The following LARS2 variants were observed in gnomAD, a reference collection of about 807,000 sequenced individuals.
LARS2 encodes the protein leucyl-tRNA synthetase 2, mitochondrial.
A neutral mutation model predicts 116.6 loss-of-function variants in LARS2; 81 were observed. That is an observed-to-expected ratio of 0.69 (90% CI 0.58 to 0.84). The LOEUF is 0.84. Among genes scored for constraint, LARS2 ranks in the 40% least tolerant of loss-of-function variants. LARS2 has a pLI of 0.00. For missense variants in LARS2, 968 were observed against 1,114.5 expected, an observed-to-expected ratio of 0.87 and a Z score of 1.87; for synonymous variants, 396 against 407.2, an observed-to-expected ratio of 0.97 and a Z score of 0.33.
At chr3:45,411,695 T>A (rs1698334338) in intron 4 of LARS2, among the ~76,000 whole-genome samples, 1 of 152,252 alleles carries the variant, frequency 6.6e-6, no homozygotes, top group Admixed American at 6.5e-5. Context: ...ATAAGCTTTT[T>A]AACTTTTTTA....
At chr3:45,455,982 C>G (rs1699207028) in intron 7 of LARS2, among the ~76,000 whole-genome samples, 1 of 151,918 alleles carries the variant, frequency 6.6e-6, no homozygotes, top group Admixed American at 6.6e-5. Flanking sequence ...ATGATGGTTA[C>G]CAGAGGCTGG....
chr3:45,487,289 T>C (rs1699832142), intron 11 of LARS2, among the ~76,000 whole-genome samples: 1 of 152,250 alleles, frequency 6.6e-6, no homozygotes, highest in Non-Finnish European at 1.5e-5. Context: ...CCATTTGTCC[T>C]CAACCTTCAA....
intron 21 of LARS2, among the ~76,000 whole-genome samples, chr3:45,545,574 C>T (rs780140558): frequency 6.6e-6 from 1 of 152,150 alleles, no homozygotes; most frequent in Non-Finnish European, 1.5e-5. Context: ...CTTGGTAAGG[C>T]AACTCAGGGG....
At chr3:45,457,902 G>A (rs928156545) in intron 7 of LARS2, among the ~76,000 whole-genome samples, 1 of 152,112 alleles carries the variant, frequency 6.6e-6, no homozygotes, top group Admixed American at 6.5e-5. Flanking sequence ...TGTTTTATGT[G>A]CTCTATCAGC....
chr3:45,541,054 T>C (rs994547594), intron 20 of LARS2, among the ~76,000 whole-genome samples: 2 of 152,072 alleles, frequency 1.3e-5, no homozygotes, highest in African/African-American at 4.8e-5. Flanking sequence ...AGTGCTGAGA[T>C]TACAGCAGAG....
chr3:45,417,480 A>G lies in LARS2; in HGVS notation c.364-2A>G. On this transcript the variant is annotated splice_acceptor_variant, in intron 4 of 21. Transcript: ENST00000645846. LOFTEE classifies it high-confidence loss of function. ...GGTTGATGTTCCTCTTCTGGGTCCTAGGTCATCAACCCCATGGGATGGGAT... is the reference window on the plus strand; with the variant it reads ...GGTTGATGTTCCTCTTCTGGGTCCTGGGTCATCAACCCCATGGGATGGGAT... The G allele has an allele frequency of 6.2e-7, 1 of 1,611,784 alleles. No individual in the cohort carries two copies. Among genetic ancestry groups the G allele is most frequent in the Non-Finnish European group, 8.5e-7 (1 of 1,177,836 alleles).
At chr3:45,486,627 C>T (rs960040398) in intron 11 of LARS2, among the ~76,000 whole-genome samples, 5 of 152,266 alleles carry the variant, frequency 3.3e-5, no homozygotes, top group South Asian at 2.1e-4. Context: ...TCATAACGCT[C>T]AGATCAGTGT....
At chr3:45,531,987 C>T (rs909944578) in intron 20 of LARS2, among the ~76,000 whole-genome samples, 2 of 152,146 alleles carry the variant, frequency 1.3e-5, no homozygotes, top group Admixed American at 1.3e-4. Context: ...TATCCTAATT[C>T]CCTACTGATC....
chr3:45,410,399 C>T (rs1051588123), intron 4 of LARS2, among the ~76,000 whole-genome samples: 6 of 150,572 alleles, frequency 4.0e-5, no homozygotes, highest in Non-Finnish European at 7.4e-5. Context: ...TGTTTGTCAT[C>T]TATGGATCAA....
intron 8 of LARS2, among the ~76,000 whole-genome samples, chr3:45,471,040 T>TAAAA (rs55749404): frequency 1.8e-4 from 8 of 43,812 alleles, no homozygotes; most frequent in African/African-American, 7.4e-4. Flanking sequence ...ATTACAACAC[T>TAAAA]AAAAAAAAAA....
At chr3:45,481,517 T>C (rs2125723420) in intron 10 of LARS2, among the ~76,000 whole-genome samples, 1 of 152,324 alleles carries the variant, frequency 6.6e-6, no homozygotes, top group African/African-American at 2.4e-5. Flanking sequence ...CTTCTTATTG[T>C]CTGTGGTCAT....
At chr3:45,416,849 C>G (rs1281560887) in intron 4 of LARS2, among the ~76,000 whole-genome samples, 1 of 152,104 alleles carries the variant, frequency 6.6e-6, no homozygotes, top group East Asian at 1.9e-4. Flanking sequence ...CCGATGCGGG[C>G]GGATCACGAG....
At chr3:45,539,531 T>C (rs1700759781) in intron 20 of LARS2, among the ~76,000 whole-genome samples, 1 of 152,118 alleles carries the variant, frequency 6.6e-6, no homozygotes, top group Non-Finnish European at 1.5e-5. Flanking sequence ...CTCAGGAGGC[T>C]GAGGCACAAG....
chr3:45,404,869 G>A (rs1266313669), intron 4 of LARS2, among the ~76,000 whole-genome samples: 1 of 152,132 alleles, frequency 6.6e-6, no homozygotes, highest in East Asian at 1.9e-4. Flanking sequence ...TTACAGGTGT[G>A]AGCCACTGTG....
intron 15 of LARS2, among the ~76,000 whole-genome samples, chr3:45,501,746 A>G (rs541762827): frequency 3.9e-5 from 6 of 152,338 alleles, no homozygotes; most frequent in African/African-American, 1.4e-4. Flanking sequence ...GTCTTGAGAA[A>G]CACCAAACTG....
intron 6 of LARS2, among the ~76,000 whole-genome samples, chr3:45,420,515 C>T (rs1698497980): frequency 6.6e-6 from 1 of 152,130 alleles, no homozygotes; most frequent in Non-Finnish European, 1.5e-5. Context: ...AGCACTGGAA[C>T]AAATGCAAAT....
intron 4 of LARS2, among the ~76,000 whole-genome samples, chr3:45,404,977 A>T (rs1698209746): frequency 6.6e-6 from 1 of 152,206 alleles, no homozygotes; most frequent in Non-Finnish European, 1.5e-5. Flanking sequence ...TTATGAAATA[A>T]TTTAGCACTT....
chr3:45,398,162 T>G (rs1161019615), intron 3 of LARS2, among the ~76,000 whole-genome samples: 1 of 152,226 alleles, frequency 6.6e-6, no homozygotes, highest in Admixed American at 6.5e-5. Flanking sequence ...CTTGGTAATT[T>G]CTAGAGGATG....
chr3:45,431,134 T>C (rs1195399982), intron 6 of LARS2, among the ~76,000 whole-genome samples: 1 of 152,090 alleles, frequency 6.6e-6, no homozygotes, highest in Non-Finnish European at 1.5e-5. Flanking sequence ...GACAGACAAG[T>C]CAAGAAGTCA....
Sources: gnomAD v4.1 joint callset for allele counts (sites outside exome capture counted in the v4.1 genomes callset) on GRCh38, gnomAD v4.1.1 for gene constraint, MANE v1.5 for transcripts, NCBI Gene and HGNC (gene_info 2026-07-23, HGNC 2026-07-21) for gene names.